PLEKHA7: variants seen among roughly 807,000 people sequenced by gnomAD.
The protein encoded by PLEKHA7 is pleckstrin homology domain-containing family A member 7.
A neutral mutation model predicts 170.0 loss-of-function variants in PLEKHA7; 104 were observed. The observed-to-expected ratio is 0.61, with a 90% CI of 0.52 to 0.72. PLEKHA7 has a LOEUF of 0.72. Among genes scored for constraint, PLEKHA7 ranks in the 30% least tolerant of loss-of-function variants. The pLI is 0.00. For missense variants in PLEKHA7, 1,615 were observed against 1,671.7 expected (o/e 0.97, Z 0.59); for synonymous variants, 648 against 660.8 (o/e 0.98, Z 0.30).
Position 16,789,329 on chromosome 11 carries a change from G to A in PLEKHA7, c.3157-33C>T, listed in dbSNP as rs745438194. The A allele has an allele frequency of 6.2e-7, 1 of 1,605,010 alleles. No individual in the cohort carries two copies. On this transcript the variant is annotated intron_variant, in intron 22 of 26. Transcript: ENST00000531066. This position sits in a 1 kb window ranked among gnomAD's most constrained non-coding sequence, Gnocchi z 4.6. ...AGAGGAGGCAGGCAAGAGAGACACA[G>A]AACAGCTGGGCTGGGCACGCAGAGG...
At position 16,802,590 on chromosome 11, in the gene PLEKHA7, T is replaced by C. The variant is rs145057747; in HGVS notation, c.2157+382A>G. ...TGAGACGAAGTCTTCCTCTGTTGCCTAGGCTGGAATACAGTGGCGTGATCT... is the reference window on the plus strand; with the variant it reads ...TGAGACGAAGTCTTCCTCTGTTGCCCAGGCTGGAATACAGTGGCGTGATCT... On this transcript the variant is annotated intron_variant, in intron 15 of 26. Transcript: ENST00000531066. Among the ~76,000 whole-genome samples the C allele has an allele frequency of 2.0e-4, 30 of 152,100 alleles. No individual in the cohort carries two copies. In the East Asian group the frequency reaches 4.1e-3, roughly 21 times the overall value.
intron 9 of PLEKHA7, among the ~76,000 whole-genome samples, chr11:16,828,084 T>C (rs1339737595): frequency 2.0e-5 from 3 of 152,166 alleles, no homozygotes; most frequent in Non-Finnish European, 4.4e-5. Context: ...ACCCTCCACA[T>C]GGGATCTGCT....
At chr11:16,862,485 C>T (rs1854040789) in intron 4 of PLEKHA7, among the ~76,000 whole-genome samples, 1 of 152,158 alleles carries the variant, frequency 6.6e-6, no homozygotes, top group South Asian at 2.1e-4. Context: ...GATCTGAGCA[C>T]ATCCAAGACT....
rs563561044 is a variant in PLEKHA7, at chr11:16,992,239, G to A, written c.221+21750C>T. ...CACCACCCTGTGCCCCACTCCCCTC[G>A]CCACTGAAGGGCTGGGTGGCTCATG... On this transcript the variant is annotated intron_variant, in intron 3 of 26. Coordinates refer to ENST00000531066, the MANE Select transcript of PLEKHA7 (RefSeq NM_001329630.2). Among the ~76,000 whole-genome samples the A allele has an allele frequency of 3.9e-5, 6 of 152,252 alleles. No homozygotes were observed. The South Asian group carries it at 6.2e-4, about 16-fold the overall frequency.
chr11:16,969,994 A>G lies in PLEKHA7; in HGVS notation c.221+43995T>C, dbSNP rs556252992. ...AAGACAACGAGTAAACTAAAAGCCA[A>G]GTTTCATGAGGGAACAAGGATGATT... On this transcript the variant is annotated intron_variant, in intron 3 of 26. Coordinates refer to ENST00000531066, the MANE Select transcript of PLEKHA7 (RefSeq NM_001329630.2). 2.0e-5 allele frequency among the ~76,000 whole-genome samples: 3 copies of G among 152,362 alleles called. No individual in the cohort carries two copies. In the East Asian group the frequency reaches 5.8e-4, roughly 29 times the overall value.
chr11:16,824,797 T>C (rs140283790), intron 10 of PLEKHA7, among the ~76,000 whole-genome samples: 133 of 152,322 alleles, frequency 8.7e-4, no homozygotes, highest in African/African-American at 3.2e-3. Flanking sequence ...TGCCTTACTT[T>C]GGAGTATGAG....
At chr11:17,010,484 T>C (rs1865261333) in intron 3 of PLEKHA7, among the ~76,000 whole-genome samples, 3 of 152,142 alleles carry the variant, frequency 2.0e-5, no homozygotes, top group Admixed American at 2.0e-4. Context: ...CCTGCATTTG[T>C]AGTTCCAGCT....
chr11:16,840,730 G>A (rs1329022047), intron 9 of PLEKHA7, among the ~76,000 whole-genome samples: 1 of 152,130 alleles, frequency 6.6e-6, no homozygotes, highest in Admixed American at 6.5e-5. Flanking sequence ...TCTTGATGGA[G>A]GTCACTATTT....
At chr11:16,852,520 C>T (rs418113) in intron 6 of PLEKHA7, among the ~76,000 whole-genome samples, 165 bp from the exon 7 acceptor site, 125,348 of 152,200 alleles carry the variant, frequency 0.82, 52,483 homozygotes, top group East Asian at 0.92. Flanking sequence ...GACATTAGAA[C>T]TTGGATTAAA....
At chr11:17,002,919 T>C (rs1381511310) in intron 3 of PLEKHA7, among the ~76,000 whole-genome samples, 3 of 150,646 alleles carry the variant, frequency 2.0e-5, no homozygotes, top group Non-Finnish European at 4.4e-5. Context: ...ACTTAACTAC[T>C]TAAGAGCAAA....
chr11:16,925,915 G>C (rs1859499353), intron 3 of PLEKHA7, among the ~76,000 whole-genome samples: 1 of 152,352 alleles, frequency 6.6e-6, no homozygotes, highest in East Asian at 1.9e-4. Flanking sequence ...AGGCTGAGGA[G>C]GGGGAGGGAA....
At chr11:16,901,246 G>GA (rs1174506148) in intron 3 of PLEKHA7, among the ~76,000 whole-genome samples, 1 of 152,070 alleles carries the variant, frequency 6.6e-6, no homozygotes, top group Non-Finnish European at 1.5e-5. Flanking sequence ...GAGAAAAATG[G>GA]AAAAAAGCTG....
chr11:16,890,045 C>T (rs185603943), intron 3 of PLEKHA7, among the ~76,000 whole-genome samples: 20 of 152,090 alleles, frequency 1.3e-4, no homozygotes, highest in Non-Finnish European at 2.8e-4. Context: ...TTGTATCCTG[C>T]TAAACTAAGC....
At chr11:16,805,635 C>CA (rs1848916149) in intron 13 of PLEKHA7, among the ~76,000 whole-genome samples, 1 of 151,604 alleles carries the variant, frequency 6.6e-6, no homozygotes, top group Non-Finnish European at 1.5e-5. Context: ...ACTAAAAATA[C>CA]AAAAATTAGC....
At chr11:16,901,238 G>C (rs1397204471) in intron 3 of PLEKHA7, among the ~76,000 whole-genome samples, 1 of 152,042 alleles carries the variant, frequency 6.6e-6, no homozygotes, top group Admixed American at 6.6e-5. Flanking sequence ...ACTCCTTAGA[G>C]AAAAATGGAA....
chr11:16,839,195 T>C (rs1332666947), intron 9 of PLEKHA7, among the ~76,000 whole-genome samples: 2 of 152,072 alleles, frequency 1.3e-5, no homozygotes, highest in Admixed American at 6.5e-5. Context: ...TCATATATAC[T>C]GATATTGAGT....
chr11:16,803,019 C>T lies in PLEKHA7; in HGVS notation c.2110G>A (p.Val704Ile), dbSNP rs140401965. ...ATCTTGTCTTCCAAGTCCTGGAGGA[C>T]CCTGTCTTGTTCACAGAAGATGCTC... ...KLSIFCEQDR[V>I]LQDLEDKIRA... The change falls in exon 15 of 27, where the codon GTC becomes ATC. Residue 704 changes from valine (V) to isoleucine (I), a missense_variant. By Grantham distance (29) the Val-to-Ile change is conservative. Coordinates refer to ENST00000531066, the MANE Select transcript of PLEKHA7 (RefSeq NM_001329630.2). 1.5e-5 allele frequency: 25 copies of T among 1,613,956 alleles called. No homozygotes were observed. The African/African-American group carries it at 2.5e-4, about 16-fold the overall frequency.
Position 16,851,299 on chromosome 11 carries a change from T to C in PLEKHA7, c.596-8A>G. 1.2e-6 allele frequency: 2 copies of C among 1,605,750 alleles called. No homozygotes were observed. Among genetic ancestry groups the C allele is most frequent in the East Asian group, 2.2e-5 (1 of 44,656 alleles). On this transcript the variant is annotated splice_region_variant and splice_polypyrimidine_tract_variant and intron_variant, in intron 7 of 26. Coordinates refer to ENST00000531066, the MANE Select transcript of PLEKHA7 (RefSeq NM_001329630.2). Reference sequence around the variant, plus strand: ...CCGCTTCTTCTCGGCTGTCTTTGAATGGAAAAATGCATCAGAACAACCTTC... The same window carrying C: ...CCGCTTCTTCTCGGCTGTCTTTGAACGGAAAAATGCATCAGAACAACCTTC...
chr11:16,798,141 G>A (rs557018273), intron 17 of PLEKHA7, among the ~76,000 whole-genome samples: 5 of 152,312 alleles, frequency 3.3e-5, no homozygotes, highest in East Asian at 3.9e-4. Flanking sequence ...ACAGGGAGGC[G>A]AATTTCTAAG....
Sources: gnomAD v4.1 joint callset for allele counts (sites outside exome capture counted in the v4.1 genomes callset) on GRCh38, gnomAD v4.1.1 for gene constraint, Gnocchi (gnomAD v3.1) non-coding constraint, MANE v1.5 for transcripts, NCBI Gene and HGNC (gene_info 2026-07-23, HGNC 2026-07-21) for gene names.